Variants in SRBD1 observed in about 807,000 individuals in gnomAD.
The protein encoded by SRBD1 is S1 RNA binding domain 1, also known as S1 RNA-binding domain-containing protein 1.
In SRBD1, 88 loss-of-function variants were observed where a neutral mutation model predicts 115.3. The ratio of observed to expected loss-of-function variants is 0.76; its 90% CI spans 0.64 to 0.91. The LOEUF is 0.91. Among genes scored for constraint, SRBD1 ranks in the 40% least tolerant of loss-of-function variants. The probability of loss-of-function intolerance (pLI) is 0.00; values close to 1 mark genes in which losing one functional copy is unlikely to be tolerated. For synonymous variants in SRBD1, 509 were observed against 407.7 expected (o/e 1.25, Z -2.99); for missense variants, 1,385 against 1,177.4 (o/e 1.18, Z -2.58).
chr2:45,591,885 G>A (rs975321099), intron 4 of SRBD1, among the ~76,000 whole-genome samples: 1 of 152,314 alleles, frequency 6.6e-6, no homozygotes, highest in East Asian at 1.9e-4. Context: ...CACACTGAGA[G>A]ACAAAATGGT....
At chr2:45,525,314 T>C (rs944678197) in intron 14 of SRBD1, among the ~76,000 whole-genome samples, 20 of 151,968 alleles carry the variant, frequency 1.3e-4, no homozygotes, top group Admixed American at 9.2e-4. Flanking sequence ...TTTAAAACTT[T>C]TGTGCTTCAA....
At chr2:45,420,896 G>A (rs1324191219) in intron 16 of SRBD1, among the ~76,000 whole-genome samples, 1 of 152,016 alleles carries the variant, frequency 6.6e-6, no homozygotes, top group Non-Finnish European at 1.5e-5. Flanking sequence ...GTTGTTCTAG[G>A]GTACATGTGC....
At chr2:45,418,231 G>T in intron 18 of SRBD1, 134 bp downstream of exon 18, 1 of 999,888 alleles carries the variant, frequency 1.0e-6, no homozygotes, top group Non-Finnish European at 1.4e-6. Flanking sequence ...CCAAAGGACA[G>T]TCACTCAACA....
intron 16 of SRBD1, among the ~76,000 whole-genome samples, chr2:45,468,008 A>G (rs1032756600): frequency 5.3e-5 from 8 of 152,168 alleles, no homozygotes; most frequent in Non-Finnish European, 1.0e-4. Context: ...GAAATAAGAT[A>G]TTATAAATAT....
At chr2:45,500,114 T>C (rs1030922635) in intron 14 of SRBD1, among the ~76,000 whole-genome samples, 3 of 152,176 alleles carry the variant, frequency 2.0e-5, no homozygotes, top group African/African-American at 7.2e-5. Flanking sequence ...ATATTAATCC[T>C]CCCAATCTAG....
intron 16 of SRBD1, among the ~76,000 whole-genome samples, chr2:45,424,867 G>A (rs1019866676): frequency 3.9e-5 from 6 of 152,196 alleles, no homozygotes; most frequent in Non-Finnish European, 8.8e-5. Context: ...AGACTTCACT[G>A]CCCTTAAATA....
chr2:45,497,485 T>C (rs1182930029), intron 14 of SRBD1, among the ~76,000 whole-genome samples: 3 of 152,148 alleles, frequency 2.0e-5, no homozygotes, highest in Non-Finnish European at 2.9e-5. Context: ...ACATCAGAAT[T>C]AGCTGGAGGG....
chr2:45,494,069 CAA>C (rs1670383151), intron 14 of SRBD1, among the ~76,000 whole-genome samples: 1 of 148,122 alleles, frequency 6.8e-6, no homozygotes, highest in African/African-American at 2.5e-5. Flanking sequence ...GTGACTGAAA[CAA>C]AGTGGAAAAA....
intron 19 of SRBD1, among the ~76,000 whole-genome samples, chr2:45,399,236 AGAATAATTTAG>A (rs777962654): frequency 7.9e-5 from 12 of 152,150 alleles, no homozygotes; most frequent in Non-Finnish European, 1.3e-4. Context: ...AAACCAACAA[AGAATAATTTAG>A]AAAAGCATAC....
At chr2:45,426,991 A>C (rs1277753860) in intron 16 of SRBD1, among the ~76,000 whole-genome samples, 1 of 152,228 alleles carries the variant, frequency 6.6e-6, no homozygotes, top group Non-Finnish European at 1.5e-5. Flanking sequence ...AACTGGATGG[A>C]GAATTAATTT....
intron 14 of SRBD1, among the ~76,000 whole-genome samples, chr2:45,539,162 C>A (rs1319354811): frequency 1.3e-5 from 2 of 151,646 alleles, no homozygotes. Flanking sequence ...TACCTGGATT[C>A]ATCTTTCACT....
chr2:45,546,752 T>C lies in SRBD1; in HGVS notation c.1854A>G (p.Ala618=). The C allele has an allele frequency of 6.2e-7, 1 of 1,614,080 alleles. No individual in the cohort carries two copies. Among genetic ancestry groups the C allele is most frequent in the Non-Finnish European group, 8.5e-7 (1 of 1,179,978 alleles). The part of the protein sequence containing the change: ...FADLIMKNYF[A]PLDVVYCIVS... ...CTTACCAGTAAACAACATCCAGTGG[T>C]GCAAAATAATTCTTCATTATCAGGT... Residue 618 remains alanine, a synonymous_variant, in exon 14 of 21, where the codon GCA becomes GCG. Transcript: ENST00000263736.
At chr2:45,463,102 CAGAA>C (rs1669375189) in intron 16 of SRBD1, among the ~76,000 whole-genome samples, 1 of 151,290 alleles carries the variant, frequency 6.6e-6, no homozygotes, top group Admixed American at 6.6e-5. Context: ...CCATGATCAC[CAGAA>C]AGAAAGACAA....
chr2:45,467,734 A>C (rs1365878539), intron 16 of SRBD1, among the ~76,000 whole-genome samples: 2 of 152,208 alleles, frequency 1.3e-5, no homozygotes, highest in African/African-American at 4.8e-5. Flanking sequence ...GGGAAAGGTA[A>C]CATATAATAT....
chr2:45,421,506 CAAACAAAAAAAAAAAAAAAAA>C (rs1668003605), intron 16 of SRBD1, among the ~76,000 whole-genome samples: 53 of 48,088 alleles, frequency 1.1e-3, no homozygotes, highest in Non-Finnish European at 1.4e-3. Flanking sequence ...GACTCCGTCT[CAAACAAAAAAAAAAAAAAAAA>C]AAAAAAAAAA....
At chr2:45,425,784 G>A (rs1164894206) in intron 16 of SRBD1, among the ~76,000 whole-genome samples, 2 of 152,086 alleles carry the variant, frequency 1.3e-5, no homozygotes, top group Non-Finnish European at 2.9e-5. Flanking sequence ...GTGCTGTGAG[G>A]GACTGTGCTG....
chr2:45,502,042 T>G (rs1288470914), intron 14 of SRBD1, among the ~76,000 whole-genome samples: 1 of 152,126 alleles, frequency 6.6e-6, no homozygotes, highest in Non-Finnish European at 1.5e-5. Context: ...CACCCCCCAG[T>G]AGGGGCAGAC....
chr2:45,398,497 T>C (rs1667208255), intron 19 of SRBD1, among the ~76,000 whole-genome samples: 1 of 152,190 alleles, frequency 6.6e-6, no homozygotes, highest in African/African-American at 2.4e-5. Context: ...TTACTAAATG[T>C]TTCCTGCTTT....
rs1185054659 is a variant in SRBD1 at position 45,499,034 on chromosome 2, T to C, written c.1875-10703A>G. ...TTAGCAGTGGGATTGCTGACTTATA[T>C]GGCAGTTCTATTTTTAGTTTTTTTT... is the stretch of plus-strand genomic sequence containing the variant. On this transcript the variant is annotated intron_variant, in intron 14 of 20. Coordinates refer to ENST00000263736, the MANE Select transcript of SRBD1 (RefSeq NM_018079.5). Among the ~76,000 whole-genome samples, 3 of 152,208 alleles carry C rather than the reference T, an allele frequency of 2.0e-5. No homozygotes were observed. The East Asian group carries it at 5.8e-4, about 29-fold the overall frequency.
Sources: allele counts gnomAD v4.1 joint callset (sites outside exome capture counted in the v4.1 genomes callset), GRCh38; gene constraint gnomAD v4.1.1; transcripts MANE v1.5; gene names NCBI Gene and HGNC (gene_info 2026-07-23, HGNC 2026-07-21).